Variants in NCOA2 observed in about 807,000 individuals in gnomAD.
NCOA2 encodes class E basic helix-loop-helix protein 75.
In NCOA2, 21 loss-of-function variants were observed where a neutral mutation model predicts 145.1. The observed-to-expected ratio is 0.14, with a 90% CI of 0.10 to 0.21. The LOEUF (loss-of-function observed/expected upper bound fraction) is 0.21. Among genes scored for constraint, NCOA2 ranks in the 10% least tolerant of loss-of-function variants. The pLI is 1.00. For synonymous variants in NCOA2, 619 were observed against 637.5 expected (o/e 0.97, Z 0.44); for missense variants, 1,472 against 1,837.6 (o/e 0.80, Z 3.64).
intron 7 of NCOA2, among the ~76,000 whole-genome samples, chr8:70,163,981 T>C (rs1025612025): frequency 2.0e-5 from 3 of 152,228 alleles, no homozygotes; most frequent in African/African-American, 7.2e-5. Context: ...GATACTCTTG[T>C]TTTGTCAAGG....
rs73684278 is a variant in NCOA2, at chr8:70,334,138, C to T, written c.-76-37338G>A. Among the ~76,000 whole-genome samples, 516 of 152,276 alleles carry T rather than the reference C, an allele frequency of 3.4e-3. 5 individuals are homozygous for T. Among genetic ancestry groups the T allele is most frequent in the African/African-American group, 0.012 (501 of 41,552 alleles). ...ATAGTGAACTCAATCAAATTTTAAC[C>T]CCTATGCCTAACTTTTAAGGCCAAA... On this transcript the variant is annotated intron_variant, in intron 1 of 22. Transcript: ENST00000452400.
chr8:70,160,684 A>AGG (rs1554578997), intron 9 of NCOA2, among the ~76,000 whole-genome samples: 4 of 147,858 alleles, frequency 2.7e-5, no homozygotes, highest in African/African-American at 1.1e-4. Context: ...AGAGAGAGGG[A>AGG]GAGAGAGAGA....
At chr8:70,273,011 A>G (rs1474221865) in intron 2 of NCOA2, among the ~76,000 whole-genome samples, 2 of 152,210 alleles carry the variant, frequency 1.3e-5, no homozygotes, top group Non-Finnish European at 2.9e-5. Flanking sequence ...TACTAAGAAA[A>G]TAACTTTATC....
intron 1 of NCOA2, 147 bp downstream of exon 1, chr8:70,403,553 C>T: frequency 3.3e-6 from 1 of 304,436 alleles, no homozygotes; most frequent in Non-Finnish European, 6.0e-6. Flanking sequence ...GCGGTCCCCG[C>T]ACACAAAAAC....
At chr8:70,218,199 G>GTT (rs34322124) in intron 2 of NCOA2, among the ~76,000 whole-genome samples, 81,633 of 133,778 alleles carry the variant, frequency 0.61, 26,944 homozygotes, top group Non-Finnish European at 0.74. Context: ...AGTGGAGTTA[G>GTT]TTTTTTTTTT....
At chr8:70,364,593 G>A (rs988880452) in intron 1 of NCOA2, among the ~76,000 whole-genome samples, 4 of 152,138 alleles carry the variant, frequency 2.6e-5, no homozygotes, top group Admixed American at 2.0e-4. Context: ...TCTGAGCTAT[G>A]AAAGATGAAC....
the NCOA2 span, among the ~76,000 whole-genome samples, chr8:70,429,022 G>A: frequency 6.6e-6 from 1 of 152,148 alleles, no homozygotes; most frequent in African/African-American, 2.4e-5. Flanking sequence ...TGGAGTCTCT[G>A]CATTTCAAAA....
At chr8:70,162,000 T>C (rs1314858922) in intron 9 of NCOA2, among the ~76,000 whole-genome samples, 3 of 152,134 alleles carry the variant, frequency 2.0e-5, no homozygotes, top group Non-Finnish European at 4.4e-5. Context: ...TGAGCTCAGA[T>C]GGACGTCCTG....
intron 4 of NCOA2, among the ~76,000 whole-genome samples, chr8:70,189,376 G>A (rs929870350): frequency 9.9e-5 from 15 of 152,228 alleles, no homozygotes; most frequent in Middle Eastern, 3.4e-3. Flanking sequence ...CATATAAATC[G>A]TCTTATTTGA....
chr8:70,213,889 T>C lies in NCOA2; in HGVS notation c.259+14A>G, dbSNP rs948946131. On this transcript the variant is annotated intron_variant, in intron 4 of 22. Coordinates refer to ENST00000452400, the MANE Select transcript of NCOA2 (RefSeq NM_006540.4). ...CCAATTCAACTCTTCAAAATACTAA[T>C]TCAGTCCTCTTACCTTGTTCTTTGA... 6.4e-7 allele frequency: 1 copy of C among 1,562,706 alleles called. No individual in the cohort carries two copies. The highest frequency in any genetic ancestry group is 8.7e-7 in the Non-Finnish European group (1 of 1,154,698).
At chr8:70,198,509 C>G (rs185765139) in intron 4 of NCOA2, among the ~76,000 whole-genome samples, 13 of 152,152 alleles carry the variant, frequency 8.5e-5, no homozygotes, top group Admixed American at 6.5e-5. Context: ...GTTACACAGC[C>G]AATGTATTTT....
At chr8:70,263,720 C>G (rs373597197) in intron 2 of NCOA2, among the ~76,000 whole-genome samples, 2 of 150,668 alleles carry the variant, frequency 1.3e-5, no homozygotes, top group East Asian at 4.0e-4. Context: ...CAGAGTGAGA[C>G]TCCATCTCAA....
intron 1 of NCOA2, among the ~76,000 whole-genome samples, chr8:70,343,733 C>T (rs1219954336): frequency 6.6e-6 from 1 of 151,698 alleles, no homozygotes; most frequent in African/African-American, 2.4e-5. Context: ...ATCGCTTGAA[C>T]CCGGGAGGCA....
At chr8:70,137,623 C>T (rs1809883567) in intron 15 of NCOA2, among the ~76,000 whole-genome samples, 2 of 152,248 alleles carry the variant, frequency 1.3e-5, no homozygotes, top group South Asian at 4.1e-4. Context: ...GAAACCACCA[C>T]CTCCAAGTAT....
Position 70,138,277 on chromosome 8 carries a change from A to G in NCOA2, c.3084T>C (p.Ala1028=), listed in dbSNP as rs538000359. 5.8e-5 allele frequency: 93 copies of G among 1,613,622 alleles called. No individual in the cohort carries two copies. In the South Asian group the frequency reaches 1.0e-3, roughly 18 times the overall value. The change falls in exon 15 of 23, where the codon GCT becomes GCC. Residue 1028 remains alanine (A), a synonymous_variant. Coordinates refer to ENST00000452400, the MANE Select transcript of NCOA2 (RefSeq NM_006540.4). The part of the protein sequence containing the change: ...MGGPQYSQQQ[A]PPNQTAPWPE... ...GCCATGGGGCAGTCTGATTTGGAGG[A>G]GCTTGTTGTTGGCTATACTGAGGTC...
Position 70,159,242 on chromosome 8 carries a change from A to ATATATATATTTTT in NCOA2, c.1124+262_1124+263insAAAAATATATATA. Among the ~76,000 whole-genome samples the ATATATATATTTTT allele has an allele frequency of 2.0e-3, 125 of 61,066 alleles. 4 individuals carry two copies. Among genetic ancestry groups the ATATATATATTTTT allele is most frequent in the African/African-American group, 6.5e-3 (120 of 18,488 alleles). The allele number at this position is 61,066 out of a possible 152,430, so 40.1% of individuals were successfully genotyped here. ...TAACATTATATATATATATATATAT[A>ATATATATATTTTT]TTTTTTTTTTTTTCCCCCAAATATT... On this transcript the variant is annotated intron_variant, in intron 10 of 22. Coordinates refer to ENST00000452400, the MANE Select transcript of NCOA2 (RefSeq NM_006540.4).
chr8:70,162,680 A>C, intron 9 of NCOA2, 31 bp downstream of exon 9: 1 of 1,586,932 alleles, frequency 6.3e-7, no homozygotes, highest in Admixed American at 1.7e-5. Context: ...AGGAAGCAAT[A>C]ATTTAAGAAA....
chr8:70,397,639 C>T (rs906158949), intron 1 of NCOA2, among the ~76,000 whole-genome samples: 5 of 152,122 alleles, frequency 3.3e-5, no homozygotes, highest in African/African-American at 4.8e-5. Flanking sequence ...CTATCACCTT[C>T]GCCCAACTAA....
At chr8:70,440,228 G>C in the NCOA2 span, among the ~76,000 whole-genome samples, 90 of 152,102 alleles carry the variant, frequency 5.9e-4, no homozygotes, top group African/African-American at 2.1e-3. Flanking sequence ...AGTGAGCCAA[G>C]ATTGCACCAC....
Sources: gnomAD v4.1 joint callset for allele counts (sites outside exome capture counted in the v4.1 genomes callset) on GRCh38, gnomAD v4.1.1 for gene constraint, MANE v1.5 for transcripts, NCBI Gene and HGNC (gene_info 2026-07-23, HGNC 2026-07-21) for gene names.